Variants in NLRP5 observed in about 807,000 individuals in gnomAD.
NLRP5 encodes the protein NLR family pyrin domain containing 5.
NLRP5 carries 93 observed loss-of-function variants against 113.1 expected under a neutral mutation model. The ratio of observed to expected loss-of-function variants is 0.82; its 90% CI spans 0.70 to 0.98. NLRP5 has a LOEUF of 0.98. Among genes scored for constraint, NLRP5 ranks in the 50% least tolerant of loss-of-function variants. The probability of loss-of-function intolerance (pLI) is 0.00; values close to 1 mark genes in which losing one functional copy is unlikely to be tolerated. For missense variants in NLRP5, 1,808 were observed against 1,514.3 expected (o/e 1.19, Z -3.22); for synonymous variants, 751 against 600.7 (o/e 1.25, Z -3.66).
At position 56,027,957 on chromosome 19, in the gene NLRP5, A is replaced by C. The variant is rs1259773432; in HGVS notation, c.1724A>C (p.His575Pro). 6.2e-7 allele frequency: 1 copy of C among 1,613,934 alleles called. No individual in the cohort carries two copies. Among genetic ancestry groups the C allele is most frequent in the Non-Finnish European group, 8.5e-7 (1 of 1,179,848 alleles). ...ATGAACATCCTTCTCCCAGACAGCC[A>C]CTGTGAGGAGTACTACACCTTCTTC... Residue 575 changes from histidine (H) to proline (P), a missense_variant, in exon 7 of 15, where the codon CAC becomes CCC. Physicochemically the swap from His to Pro is moderately conservative, Grantham distance 77. Coordinates refer to ENST00000390649, the MANE Select transcript of NLRP5 (RefSeq NM_153447.4).
At chr19:56,038,282 A>G in intron 10 of NLRP5, 87 bp downstream of exon 10, 7 of 1,402,832 alleles carry the variant, frequency 5.0e-6, no homozygotes, top group Non-Finnish European at 7.0e-6. Context: ...GGTGGGAGGG[A>G]AATGAGCAGA....
intron 2 of NLRP5, among the ~76,000 whole-genome samples, chr19:56,004,969 C>T (rs1232800568): frequency 6.6e-6 from 1 of 151,656 alleles, no homozygotes; most frequent in Non-Finnish European, 1.5e-5. Context: ...TGGCACATGC[C>T]TGTAATCCCA....
intron 11 of NLRP5, among the ~76,000 whole-genome samples, chr19:56,041,361 T>C (rs1047669275): frequency 3.3e-5 from 5 of 152,308 alleles, no homozygotes; most frequent in African/African-American, 1.2e-4. Flanking sequence ...AAAGTCACTC[T>C]TGAGCACTGA....
At chr19:56,019,865 C>A (rs1331004511) in intron 5 of NLRP5, among the ~76,000 whole-genome samples, 1 of 147,400 alleles carries the variant, frequency 6.8e-6, no homozygotes, top group Non-Finnish European at 1.5e-5. Flanking sequence ...GAGAAGGAGT[C>A]TCGCTGTGTC....
intron 2 of NLRP5, among the ~76,000 whole-genome samples, chr19:56,007,357 G>A (rs912667613): frequency 7.5e-5 from 4 of 53,654 alleles, no homozygotes; most frequent in African/African-American, 2.7e-4. Flanking sequence ...GATTGAGACT[G>A]TCTTTTTTTT....
intron 2 of NLRP5, among the ~76,000 whole-genome samples, chr19:56,007,244 A>T (rs1013760546): frequency 6.6e-6 from 1 of 151,098 alleles, no homozygotes; most frequent in African/African-American, 2.5e-5. Flanking sequence ...GGCACCTGTA[A>T]TCCCAGCTAC....
chr19:55,990,990 A>G, the NLRP5 span, among the ~76,000 whole-genome samples: 2 of 151,712 alleles, frequency 1.3e-5, no homozygotes, highest in East Asian at 3.9e-4. Context: ...ATCTCAAAGA[A>G]AAAAAAAATT....
At chr19:56,053,968 C>T (rs945284404) in intron 13 of NLRP5, among the ~76,000 whole-genome samples, 160 bp downstream of exon 13, 7 of 152,100 alleles carry the variant, frequency 4.6e-5, no homozygotes, top group African/African-American at 1.4e-4. Flanking sequence ...GGTATAAGTT[C>T]CAGCTCGGCT....
chr19:56,006,816 C>T lies in NLRP5; in HGVS notation c.443-1972C>T, dbSNP rs56111309. Among the ~76,000 whole-genome samples, 93 of 151,718 alleles carry T rather than the reference C, an allele frequency of 6.1e-4. No individual in the cohort carries two copies. In the East Asian group the frequency reaches 6.3e-3, roughly 10 times the overall value. On this transcript the variant is annotated intron_variant, in intron 2 of 14. Transcript: ENST00000390649. The stretch of plus-strand genomic sequence containing the variant: ...GTGCAGTGGCGCAATCTCGGCTCAC[C>T]GCAAGCTCCGCCTTCCGGGTTCATG...
In NLRP5 at chr19:56,046,494, C is replaced by T. The variant is rs149437984; in HGVS notation, c.2958-3924C>T. Among the ~76,000 whole-genome samples the T allele has an allele frequency of 6.6e-3, 996 of 150,892 alleles. 12 individuals are homozygous for T. The highest frequency in any genetic ancestry group is 0.023 in the African/African-American group (928 of 41,226). ...TTCATAGAATGAATTAGGGAGGGTT[C>T]CTTCTTTCTCTATCTTGTGGAATAG... On this transcript the variant is annotated intron_variant, in intron 11 of 14. Transcript: ENST00000390649.
chr19:56,027,502 T>C lies in NLRP5; in HGVS notation c.1269T>C (p.Ser423=), dbSNP rs2123304757. The C allele has an allele frequency of 6.2e-7, 1 of 1,613,884 alleles. No homozygotes were observed. The highest frequency in any genetic ancestry group is 8.5e-7 in the Non-Finnish European group (1 of 1,179,864). Residue 423 remains serine, a synonymous_variant, in exon 7 of 15, where the codon TCT becomes TCC. Coordinates refer to ENST00000390649, the MANE Select transcript of NLRP5 (RefSeq NM_153447.4). ...AGAAGCTCAAGTCAGAGGTCGTGTC[T>C]CCCCGTTACCTGTTAGTTAGAGGAA... is the stretch of plus-strand genomic sequence containing the variant.
intron 13 of NLRP5, among the ~76,000 whole-genome samples, chr19:56,057,748 G>A (rs570197884): frequency 1.3e-5 from 2 of 152,144 alleles, no homozygotes; most frequent in Admixed American, 6.6e-5. Context: ...ATATTTGGCC[G>A]GGTGCAGTGG....
chr19:56,026,771 C>T (rs1982868888), intron 6 of NLRP5, 142 bp from the exon 7 acceptor site: 3 of 782,960 alleles, frequency 3.8e-6, no homozygotes. Context: ...AGAGACGGGG[C>T]TTTGCCATTG....
At chr19:56,023,164 A>G (rs1358321966) in intron 6 of NLRP5, among the ~76,000 whole-genome samples, 1 of 152,202 alleles carries the variant, frequency 6.6e-6, no homozygotes, top group African/African-American at 2.4e-5. Context: ...TATAGACGTG[A>G]TAATTAAATC....
intron 6 of NLRP5, among the ~76,000 whole-genome samples, chr19:56,025,256 C>T (rs1025388000): frequency 1.3e-5 from 2 of 152,140 alleles, no homozygotes; most frequent in African/African-American, 4.8e-5. Flanking sequence ...CCACCCCCTT[C>T]CACCCCGGTG....
chr19:56,018,346 G>A (rs1474483635), intron 4 of NLRP5, among the ~76,000 whole-genome samples: 1 of 152,124 alleles, frequency 6.6e-6, no homozygotes, highest in Non-Finnish European at 1.5e-5. Flanking sequence ...TTTGTATTTA[G>A]CCTCACATGG....
At position 56,003,872 on chromosome 19, in the gene NLRP5, C is replaced by G. The variant is rs1981750062; in HGVS notation, c.219C>G (p.Asp73Glu). The change falls in exon 2 of 15, where the codon GAC becomes GAG. Residue 73 changes from aspartate (D) to glutamate (E), a missense_variant. Transcript: ENST00000390649. ...TGCAATGGTGTCTCTATGAGCTAGACAAGGAAGAATTTCAGACATTCAAGG... is the reference window on the plus strand; with the variant it reads ...TGCAATGGTGTCTCTATGAGCTAGAGAAGGAAGAATTTCAGACATTCAAGG... The G allele has an allele frequency of 1.9e-6, 3 of 1,613,798 alleles. No homozygotes were observed. The highest frequency in any genetic ancestry group is 1.7e-6 in the Non-Finnish European group (2 of 1,179,898).
intron 4 of NLRP5, among the ~76,000 whole-genome samples, chr19:56,016,192 G>A (rs559075650): frequency 6.6e-6 from 1 of 152,036 alleles, no homozygotes; most frequent in Non-Finnish European, 1.5e-5. Flanking sequence ...CTTTTCTTGT[G>A]GCCCAGGCTG....
chr19:56,008,234 C>T (rs775088658), intron 2 of NLRP5, among the ~76,000 whole-genome samples: 1 of 152,070 alleles, frequency 6.6e-6, no homozygotes, highest in Non-Finnish European at 1.5e-5. Flanking sequence ...GGCCACAAGA[C>T]AGTTTTTAAG....
Sources: gnomAD v4.1 joint callset for allele counts (sites outside exome capture counted in the v4.1 genomes callset) on GRCh38, gnomAD v4.1.1 for gene constraint, MANE v1.5 for transcripts, NCBI Gene and HGNC (gene_info 2026-07-23, HGNC 2026-07-21) for gene names.